Variants in PLA2G4A observed in about 807,000 individuals in gnomAD.
PLA2G4A encodes cytosolic phospholipase A2.
PLA2G4A carries 40 observed loss-of-function variants against 81.9 expected under a neutral mutation model. That is an observed-to-expected ratio of 0.49 (90% CI 0.38 to 0.64). The LOEUF (loss-of-function observed/expected upper bound fraction) is 0.64, where lower values mean the gene tolerates loss of function less well. Ranked by LOEUF, PLA2G4A falls within the 30% of genes least tolerant of loss-of-function variation. PLA2G4A has a pLI of 0.00. For synonymous variants in PLA2G4A, 302 were observed against 296.9 expected (o/e 1.02, Z -0.18); for missense variants, 715 against 905.1 (o/e 0.79, Z 2.69).
At chr1:186,881,591 A>T (rs1170199440) in intron 3 of PLA2G4A, among the ~76,000 whole-genome samples, 1 of 152,132 alleles carries the variant, frequency 6.6e-6, no homozygotes, top group Admixed American at 6.6e-5. Flanking sequence ...CACTCTGCCT[A>T]TTCCTTGGAG....
At chr1:186,919,364 A>G (rs1314066143) in intron 7 of PLA2G4A, among the ~76,000 whole-genome samples, 1 of 152,096 alleles carries the variant, frequency 6.6e-6, no homozygotes, top group Non-Finnish European at 1.5e-5. Flanking sequence ...CTTTCCGAAT[A>G]GTGAATCCCA....
intron 9 of PLA2G4A, among the ~76,000 whole-genome samples, chr1:186,939,709 A>G (rs1179302904): frequency 6.6e-6 from 1 of 152,162 alleles, no homozygotes; most frequent in Non-Finnish European, 1.5e-5. Flanking sequence ...CCAGGGGCTA[A>G]GTTTCTTCCA....
chr1:186,920,149 C>G (rs1655295369), intron 7 of PLA2G4A, among the ~76,000 whole-genome samples: 1 of 152,106 alleles, frequency 6.6e-6, no homozygotes, highest in South Asian at 2.1e-4. Context: ...AGAAAAAGTC[C>G]CCTTTCTTCT....
intron 15 of PLA2G4A, among the ~76,000 whole-genome samples, chr1:186,967,753 G>A (rs1436355348): frequency 1.3e-5 from 2 of 152,216 alleles, no homozygotes; most frequent in East Asian, 3.9e-4. Context: ...TAAGGGGCAG[G>A]AGTGATCTGA....
chr1:186,947,968 T>C (rs1022671369), intron 12 of PLA2G4A, among the ~76,000 whole-genome samples: 1 of 152,172 alleles, frequency 6.6e-6, no homozygotes, highest in Non-Finnish European at 1.5e-5. Context: ...TCCCAGGCAA[T>C]GTCAGTTGAT....
intron 2 of PLA2G4A, among the ~76,000 whole-genome samples, chr1:186,864,454 C>G (rs972294511): frequency 6.6e-6 from 1 of 151,880 alleles, no homozygotes; most frequent in Admixed American, 6.6e-5. Flanking sequence ...TACATCTATG[C>G]CAGCATTTGT....
chr1:186,977,691 T>C lies in PLA2G4A; in HGVS notation c.1863T>C (p.Tyr621=). The change falls in exon 16 of 18, where the codon TAT becomes TAC. Residue 621 remains tyrosine (Y), a synonymous_variant. Transcript: ENST00000367466. ...VFDREGLKEC[Y]VFKPKNPDME... is the part of the protein sequence containing the mutation. Reference sequence around the variant, plus strand: ...ATCGGGAAGGGCTGAAGGAGTGCTATGTCTTTAAACCCAAGAATCCTGATA... The same window carrying C: ...ATCGGGAAGGGCTGAAGGAGTGCTACGTCTTTAAACCCAAGAATCCTGATA... 1 of 1,613,220 alleles carries C rather than the reference T, an allele frequency of 6.2e-7. No homozygotes were observed. The highest frequency in any genetic ancestry group is 8.5e-7 in the Non-Finnish European group (1 of 1,179,192).
chr1:186,888,464 C>T (rs376268930), intron 3 of PLA2G4A, among the ~76,000 whole-genome samples: 2 of 152,228 alleles, frequency 1.3e-5, no homozygotes, highest in East Asian at 3.9e-4. Context: ...CTCCTCTTTC[C>T]CAAAGATTCA....
chr1:186,952,132 A>G (rs1455977375), intron 13 of PLA2G4A, among the ~76,000 whole-genome samples: 1 of 152,204 alleles, frequency 6.6e-6, no homozygotes, highest in Non-Finnish European at 1.5e-5. Flanking sequence ...GATAGCTATC[A>G]CATGCCTAGC....
At chr1:186,931,551 T>TATG (rs1308157005) in intron 7 of PLA2G4A, among the ~76,000 whole-genome samples, 19 of 131,116 alleles carry the variant, frequency 1.4e-4, no homozygotes, top group Non-Finnish European at 8.7e-5. Flanking sequence ...TTATTATTAT[T>TATG]ATTATTACAC....
intron 7 of PLA2G4A, among the ~76,000 whole-genome samples, chr1:186,916,942 G>A (rs1558434984): frequency 6.6e-6 from 1 of 152,168 alleles, no homozygotes; most frequent in Non-Finnish European, 1.5e-5. Flanking sequence ...GCTGTGCATA[G>A]ACCAGTCAGC....
At chr1:186,868,706 A>G (rs1270758135) in intron 2 of PLA2G4A, among the ~76,000 whole-genome samples, 1 of 152,186 alleles carries the variant, frequency 6.6e-6, no homozygotes, top group African/African-American at 2.4e-5. Flanking sequence ...AATTTCTTTA[A>G]TAGATATGCA....
chr1:186,983,095 AAAAAG>A (rs1175158075), intron 17 of PLA2G4A, among the ~76,000 whole-genome samples: 23 of 149,216 alleles, frequency 1.5e-4, no homozygotes, highest in Middle Eastern at 3.5e-3. Flanking sequence ...AAAAAAAAAA[AAAAAG>A]AAAAGAAAAG....
At chr1:186,844,617 G>T (rs1403798115) in intron 1 of PLA2G4A, among the ~76,000 whole-genome samples, 1 of 152,054 alleles carries the variant, frequency 6.6e-6, no homozygotes, top group Non-Finnish European at 1.5e-5. Context: ...TGGGTCAAAT[G>T]GTATTTCTAG....
intron 2 of PLA2G4A, among the ~76,000 whole-genome samples, chr1:186,861,885 T>C (rs1311636257): frequency 2.0e-5 from 3 of 151,978 alleles, no homozygotes; most frequent in African/African-American, 7.2e-5. Flanking sequence ...CTCCTCCCCA[T>C]TGAAGGCTGT....
chr1:186,935,038 A>G (rs1049438592), intron 8 of PLA2G4A, among the ~76,000 whole-genome samples: 4 of 152,012 alleles, frequency 2.6e-5, no homozygotes, highest in Non-Finnish European at 4.4e-5. Context: ...ATAGATAAAA[A>G]GAAAATAAAA....
intron 7 of PLA2G4A, among the ~76,000 whole-genome samples, chr1:186,928,798 G>A (rs529665415): frequency 2.6e-5 from 4 of 152,282 alleles, no homozygotes; most frequent in African/African-American, 4.8e-5. Context: ...AAATCAAAAC[G>A]CAAGGTTTTT....
chr1:186,859,371 T>G (rs1306192582), intron 2 of PLA2G4A, among the ~76,000 whole-genome samples: 3 of 152,172 alleles, frequency 2.0e-5, no homozygotes, highest in Non-Finnish European at 4.4e-5. Context: ...CAAAATTTAT[T>G]GAAGTTTTTT....
intron 10 of PLA2G4A, among the ~76,000 whole-genome samples, chr1:186,945,366 G>A (rs1170808914): frequency 6.6e-6 from 1 of 152,118 alleles, no homozygotes; most frequent in African/African-American, 2.4e-5. Context: ...GAAACTTGTC[G>A]GCCCTGTTTT....
Sources: allele counts gnomAD v4.1 joint callset (sites outside exome capture counted in the v4.1 genomes callset), GRCh38; gene constraint gnomAD v4.1.1; transcripts MANE v1.5; gene names NCBI Gene and HGNC (gene_info 2026-07-23, HGNC 2026-07-21).